Variants in WDR7 observed in about 807,000 individuals in gnomAD.
WDR7 encodes the protein WD repeat domain 7.
A neutral mutation model predicts 169.4 loss-of-function variants in WDR7; 46 were observed. The ratio of observed to expected loss-of-function variants is 0.27; its 90% CI spans 0.21 to 0.35. The LOEUF (loss-of-function observed/expected upper bound fraction) is 0.35, where lower values mean the gene tolerates loss of function less well. Among genes scored for constraint, WDR7 ranks in the 10% least tolerant of loss-of-function variants. WDR7 has a pLI of 1.00. For missense variants in WDR7, 1,534 were observed against 1,859.3 expected (o/e 0.83, Z 3.22); for synonymous variants, 612 against 666.8 (o/e 0.92, Z 1.27).
At chr18:57,035,390 C>T in the WDR7 span, 14 of 152,304 alleles carry the variant, frequency 9.2e-5, no homozygotes, top group Non-Finnish European at 2.1e-4. Context: ...AAAGTGCTGC[C>T]CTGATGTTAT....
At chr18:57,007,291 A>G (rs893774437) in intron 26 of WDR7, among the ~76,000 whole-genome samples, 5 of 152,080 alleles carry the variant, frequency 3.3e-5, no homozygotes, top group African/African-American at 1.2e-4. Context: ...CTAATGTTTA[A>G]TAGTATATTT....
intron 26 of WDR7, among the ~76,000 whole-genome samples, chr18:56,991,461 G>A (rs1172069436): frequency 6.6e-6 from 1 of 152,068 alleles, no homozygotes; most frequent in Admixed American, 6.6e-5. Context: ...TTTAAATATT[G>A]GAGAAACTGG....
At chr18:56,948,110 C>G (rs2047131828) in intron 25 of WDR7, among the ~76,000 whole-genome samples, 1 of 151,928 alleles carries the variant, frequency 6.6e-6, no homozygotes, top group Non-Finnish European at 1.5e-5. Context: ...AGATATGCCT[C>G]TAGACGTGAT....
chr18:56,778,939 G>A (rs1025534912), intron 17 of WDR7, among the ~76,000 whole-genome samples: 2 of 152,044 alleles, frequency 1.3e-5, no homozygotes, highest in African/African-American at 4.8e-5. Flanking sequence ...TTAATGAGAG[G>A]TCCTCTGACA....
At chr18:56,836,837 A>G (rs879598878) in intron 20 of WDR7, among the ~76,000 whole-genome samples, 1 of 152,238 alleles carries the variant, frequency 6.6e-6, no homozygotes, top group Non-Finnish European at 1.5e-5. Context: ...ATAATTTAAC[A>G]GCATTTTCAG....
chr18:56,776,800 C>T lies in WDR7; in HGVS notation c.2867C>T (p.Ser956Phe). 1 of 1,613,826 alleles carries T rather than the reference C, an allele frequency of 6.2e-7. No homozygotes were observed. The highest frequency in any genetic ancestry group is 8.5e-7 in the Non-Finnish European group (1 of 1,179,822). ...CTGCAAGTTGCTGCACCTGTCGTTT[C>T]CGCTCGGTCTGATGCTGATCACTCT... ...QIKQVAAPVV[S>F]ARSDADHSGS... Residue 956 changes from serine (S) to phenylalanine (F), a missense_variant, in exon 17 of 28, where the codon TCC becomes TTC. Physicochemically the swap from Ser to Phe is radical, Grantham distance 155. Transcript: ENST00000254442.
intron 15 of WDR7, among the ~76,000 whole-genome samples, 179 bp downstream of exon 15, chr18:56,757,531 A>G (rs1040393061): frequency 6.6e-5 from 10 of 152,202 alleles, no homozygotes; most frequent in African/African-American, 2.4e-4. Flanking sequence ...AAAACATAAT[A>G]AAATTAAACA....
intron 12 of WDR7, among the ~76,000 whole-genome samples, chr18:56,705,232 T>A (rs1287239791): frequency 1.3e-5 from 2 of 152,286 alleles, no homozygotes; most frequent in South Asian, 4.1e-4. Flanking sequence ...AGACATTCAT[T>A]GGGCAAATAT....
intron 21 of WDR7, among the ~76,000 whole-genome samples, chr18:56,910,929 G>A (rs8097702): frequency 0.81 from 123,260 of 152,166 alleles, 50,421 homozygotes; most frequent in East Asian, 0.98. Context: ...AAGTTATTGT[G>A]TATCCTTTTG....
At position 56,757,161 on chromosome 18, in the gene WDR7, T is replaced by C; in HGVS notation, c.2568T>C (p.Cys856=). 1 of 1,614,052 alleles carries C rather than the reference T, an allele frequency of 6.2e-7. No individual in the cohort carries two copies. Among genetic ancestry groups the C allele is most frequent in the Non-Finnish European group, 8.5e-7 (1 of 1,180,006 alleles). ...LMLPGYNQPA[C]KLSHGKTEVG... ...TGCCGGGTTATAATCAGCCTGCTTGTAAACTGTCACATGGGAAAACAGAAG... is the reference window on the plus strand; with the variant it reads ...TGCCGGGTTATAATCAGCCTGCTTGCAAACTGTCACATGGGAAAACAGAAG... The change falls in exon 15 of 28, where the codon TGT becomes TGC. Residue 856 remains cysteine, a synonymous_variant. Transcript: ENST00000254442.
intron 22 of WDR7, among the ~76,000 whole-genome samples, chr18:56,930,642 G>A (rs972617758): frequency 6.6e-6 from 1 of 152,162 alleles, no homozygotes; most frequent in African/African-American, 2.4e-5. Flanking sequence ...TGAAATTGAG[G>A]ACAAATATTA....
chr18:56,687,380 A>C (rs1273981600), intron 7 of WDR7, among the ~76,000 whole-genome samples: 1 of 152,222 alleles, frequency 6.6e-6, no homozygotes, highest in Admixed American at 6.5e-5. Context: ...TTCAGAGCTA[A>C]TGATGGAAGA....
chr18:56,817,748 A>AT (rs200886693), intron 20 of WDR7, among the ~76,000 whole-genome samples: 5,527 of 144,074 alleles, frequency 0.038, 346 homozygotes, highest in African/African-American at 0.13. Context: ...TTCTTTGCAG[A>AT]TTTTTTTTTT....
rs979267479 is a variant in WDR7, at chr18:56,943,196, G to T, written c.4064+3803G>T. 4.6e-5 allele frequency among the ~76,000 whole-genome samples: 7 copies of T among 152,268 alleles called. No homozygotes were observed. The East Asian group carries it at 1.4e-3, about 29-fold the overall frequency. On this transcript the variant is annotated intron_variant, in intron 25 of 27. Coordinates refer to ENST00000254442, the MANE Select transcript of WDR7 (RefSeq NM_015285.3). ...AATATCTGCCATGTCTGTACCGTTG[G>T]ATTCTACTAGGTGCCTTACAGCACT...
At chr18:56,744,325 G>C (rs1189090928) in intron 14 of WDR7, among the ~76,000 whole-genome samples, 2 of 151,772 alleles carry the variant, frequency 1.3e-5, no homozygotes, top group Non-Finnish European at 2.9e-5. Flanking sequence ...ATAGTGGATG[G>C]GGATTGAGGA....
chr18:57,002,649 A>G (rs1171183061), intron 26 of WDR7, among the ~76,000 whole-genome samples: 2 of 152,208 alleles, frequency 1.3e-5, no homozygotes, highest in Non-Finnish European at 2.9e-5. Flanking sequence ...ATATATAATC[A>G]TGTCTTTTAC....
chr18:56,672,206 A>G (rs2025149468), intron 1 of WDR7, among the ~76,000 whole-genome samples: 1 of 152,180 alleles, frequency 6.6e-6, no homozygotes, highest in Non-Finnish European at 1.5e-5. Context: ...TTGGCCTTTT[A>G]TTAGTAAATT....
intron 21 of WDR7, among the ~76,000 whole-genome samples, chr18:56,886,823 CAG>C (rs1177861502): frequency 6.6e-6 from 1 of 152,042 alleles, no homozygotes; most frequent in Admixed American, 6.6e-5. Flanking sequence ...CAAAAATAAG[CAG>C]AAATAGCTAT....
At chr18:56,767,267 A>G (rs1261107798) in intron 16 of WDR7, among the ~76,000 whole-genome samples, 1 of 152,046 alleles carries the variant, frequency 6.6e-6, no homozygotes, top group Admixed American at 6.6e-5. Flanking sequence ...ACATGTACTG[A>G]TTGGTATTCT....
Sources: gnomAD v4.1 joint callset for allele counts (sites outside exome capture counted in the v4.1 genomes callset) on GRCh38, gnomAD v4.1.1 for gene constraint, MANE v1.5 for transcripts, NCBI Gene and HGNC (gene_info 2026-07-23, HGNC 2026-07-21) for gene names.